The following GBF1 variants were observed in gnomAD, a reference collection of about 807,000 sequenced individuals.
The protein encoded by GBF1 is Golgi-specific brefeldin A-resistance guanine nucleotide exchange factor 1.
A neutral mutation model predicts 210.5 loss-of-function variants in GBF1; 114 were observed. The ratio of observed to expected loss-of-function variants is 0.54; its 90% CI spans 0.47 to 0.63. GBF1 has a LOEUF of 0.63. GBF1 is among the 30% of genes least tolerant of loss of function. The pLI is 0.00. For synonymous variants in GBF1, 850 were observed against 889.2 expected (o/e 0.96, Z 0.78); for missense variants, 1,851 against 2,357.7 (o/e 0.79, Z 4.45).
chr10:102,361,948 G>C, intron 14 of GBF1, 36 bp downstream of exon 14: 1 of 1,328,842 alleles, frequency 7.5e-7, no homozygotes. Flanking sequence ...AGGAAAAAAC[G>C]CATTATAAAG....
intron 11 of GBF1, 80 bp downstream of exon 11, chr10:102,359,515 C>G: frequency 9.7e-7 from 1 of 1,030,346 alleles, no homozygotes; most frequent in Non-Finnish European, 1.5e-6. Flanking sequence ...CGTCTTAAAC[C>G]AAGATATTGG....
In GBF1 at chr10:102,376,972, A is replaced by C. The variant is rs79933482; in HGVS notation, c.4326A>C (p.Lys1442Asn). 6.2e-7 allele frequency: 1 copy of C among 1,614,210 alleles called. No homozygotes were observed. The highest frequency in any genetic ancestry group is 1.7e-5 in the Admixed American group (1 of 60,022). Residue 1442 changes from lysine to asparagine, a missense_variant, in exon 33 of 40, where the codon AAA becomes AAC. This residue lies in a region of GBF1 where 967 missense variants were observed against 1,247.7 expected (regional missense o/e 0.78). Coordinates refer to ENST00000369983, the MANE Select transcript of GBF1 (RefSeq NM_001377137.1). ...AGGAGAAACGTGGCAAGAGTCACAA[A>C]TATGACAGCAAAGGGAACCGCTTCA... ...KSQEKRGKSH[K>N]YDSKGNRFKK...
intron 13 of GBF1, 199 bp downstream of exon 13, chr10:102,361,319 T>C: frequency 1.7e-6 from 1 of 574,084 alleles, no homozygotes; most frequent in Non-Finnish European, 3.1e-6. Context: ...GGAAACTGGC[T>C]GACCCCAAAT....
At chr10:102,351,738 T>TA (rs1246787995) in intron 5 of GBF1, 105 bp from the exon 6 acceptor site, 1 of 709,394 alleles carries the variant, frequency 1.4e-6, no homozygotes, top group Non-Finnish European at 2.6e-6. Context: ...GAGACCTCTC[T>TA]ACCAAGCTGA....
intron 3 of GBF1, among the ~76,000 whole-genome samples, chr10:102,295,316 C>T (rs1200575323): frequency 6.6e-6 from 1 of 152,156 alleles, no homozygotes; most frequent in Non-Finnish European, 1.5e-5. Flanking sequence ...AATTCTGTGC[C>T]ATCTAAGGAC....
chr10:102,295,426 G>A (rs910835708), intron 3 of GBF1, among the ~76,000 whole-genome samples: 2 of 152,124 alleles, frequency 1.3e-5, no homozygotes, highest in African/African-American at 4.8e-5. Context: ...AAAGTTTATG[G>A]CAGTTATAGA....
chr10:102,270,095 G>T (rs1207631642), intron 3 of GBF1, among the ~76,000 whole-genome samples: 1 of 151,798 alleles, frequency 6.6e-6, no homozygotes, highest in Non-Finnish European at 1.5e-5. Context: ...AGCCAGGATG[G>T]TCTTGATCTC....
At chr10:102,361,437 A>G (rs1378702327) in intron 13 of GBF1, among the ~76,000 whole-genome samples, 4 of 152,232 alleles carry the variant, frequency 2.6e-5, no homozygotes, top group Non-Finnish European at 5.9e-5. Context: ...CTAAATTGCT[A>G]AAAGGAACTC....
At chr10:102,290,892 C>T (rs1287958656) in intron 3 of GBF1, among the ~76,000 whole-genome samples, 3 of 152,196 alleles carry the variant, frequency 2.0e-5, no homozygotes, top group Non-Finnish European at 4.4e-5. Flanking sequence ...ATTGAGTTTT[C>T]TAACTTCTCT....
intron 3 of GBF1, among the ~76,000 whole-genome samples, chr10:102,293,164 A>G (rs991903272): frequency 6.6e-6 from 1 of 152,188 alleles, no homozygotes; most frequent in African/African-American, 2.4e-5. Flanking sequence ...CTGCATAACA[A>G]CATTTCGGTT....
intron 29 of GBF1, among the ~76,000 whole-genome samples, chr10:102,374,260 G>A (rs2060367721): frequency 6.6e-6 from 1 of 151,880 alleles, no homozygotes; most frequent in Non-Finnish European, 1.5e-5. Context: ...TGAGGCAGGA[G>A]AATCACTTGA....
At chr10:102,236,240 A>T in the GBF1 span, among the ~76,000 whole-genome samples, 10 of 152,200 alleles carry the variant, frequency 6.6e-5, no homozygotes, top group Non-Finnish European at 1.2e-4. Context: ...GTTGGGACTG[A>T]GGCCAGGGAC....
At chr10:102,362,045 CT>C in intron 14 of GBF1, 133 bp downstream of exon 14, 1 of 259,010 alleles carries the variant, frequency 3.9e-6, no homozygotes, top group African/African-American at 2.8e-5. Context: ...ATTTTCTTTT[CT>C]TTTCTTTTTT....
At chr10:102,337,332 T>C (rs1186685170) in intron 3 of GBF1, among the ~76,000 whole-genome samples, 1 of 136,482 alleles carries the variant, frequency 7.3e-6, no homozygotes, top group East Asian at 2.2e-4. Context: ...ATCTCGCCAC[T>C]GCACTCCAGC....
chr10:102,358,824 A>C, intron 10 of GBF1, 95 bp downstream of exon 10: 1 of 770,952 alleles, frequency 1.3e-6, no homozygotes, highest in East Asian at 2.7e-5. Context: ...GCTCGAAAGA[A>C]GCTTGGGGTA....
Position 102,381,232 on chromosome 10 carries a change from T to A in GBF1, c.5279T>A (p.Ile1760Asn). The A allele has an allele frequency of 6.2e-7, 1 of 1,613,598 alleles. No homozygotes were observed. Among genetic ancestry groups the A allele is most frequent in the Non-Finnish European group, 8.5e-7 (1 of 1,179,770 alleles). ...CCTGGCCATCCACCGCCCCCAGAGA[T>A]TCCATCTGAGCTGGGGGCCTGTGGT... ...RTPGHPPPPE[I>N]PSELGACDFE... The change falls in exon 39 of 40, where the codon ATT (isoleucine) becomes AAT (asparagine). Residue 1760 changes from isoleucine to asparagine, a missense_variant. Ile to Asn is a moderately radical substitution (Grantham distance 149, BLOSUM62 -3). This residue lies in a region of GBF1 where 967 missense variants were observed against 1,247.7 expected (regional missense o/e 0.78). Coordinates refer to ENST00000369983, the MANE Select transcript of GBF1 (RefSeq NM_001377137.1).
intron 4 of GBF1, among the ~76,000 whole-genome samples, chr10:102,348,103 A>G (rs1201849667): frequency 1.3e-5 from 2 of 151,902 alleles, no homozygotes; most frequent in East Asian, 3.9e-4. Context: ...CGCCCGGCTA[A>G]TTTTTGTATT....
At position 102,370,084 on chromosome 10, in the gene GBF1, G is replaced by A. The variant is rs201158870; in HGVS notation, c.3340-90G>A. On this transcript the variant is annotated intron_variant, in intron 26 of 39. Coordinates refer to ENST00000369983, the MANE Select transcript of GBF1 (RefSeq NM_001377137.1). ...AAATCATCCAGGATTTGTAACCAGGGCTGACTCTGCCCTCTCCCCCTGGCT... is the reference window on the plus strand; with the variant it reads ...AAATCATCCAGGATTTGTAACCAGGACTGACTCTGCCCTCTCCCCCTGGCT... The A allele has an allele frequency of 5.2e-6, 8 of 1,534,332 alleles. No homozygotes were observed. The South Asian group carries it at 7.8e-5, about 15-fold the overall frequency.
At chr10:102,319,568 C>T (rs956013273) in intron 3 of GBF1, among the ~76,000 whole-genome samples, 5 of 152,094 alleles carry the variant, frequency 3.3e-5, no homozygotes, top group Middle Eastern at 3.2e-3. Flanking sequence ...CTAGAAACTC[C>T]TTCTCAGAGC....
Sources: allele counts gnomAD v4.1 joint callset (sites outside exome capture counted in the v4.1 genomes callset), GRCh38; gene constraint gnomAD v4.1.1; regional missense constraint gnomAD v4.1.1; transcripts MANE v1.5; gene names NCBI Gene and HGNC (gene_info 2026-07-23, HGNC 2026-07-21).